STRN3: variants seen among roughly 807,000 people sequenced by gnomAD.
STRN3 encodes the protein striatin 3.
STRN3 carries 29 observed loss-of-function variants against 95.6 expected under a neutral mutation model. The ratio of observed to expected loss-of-function variants is 0.30; its 90% confidence interval spans 0.23 to 0.41. The LOEUF (loss-of-function observed/expected upper bound fraction) is 0.41, where lower values mean the gene tolerates loss of function less well. Among genes scored for constraint, STRN3 ranks in the 10% least tolerant of loss-of-function variants. The probability of loss-of-function intolerance (pLI) is 1.00; values close to 1 mark genes in which losing one functional copy is unlikely to be tolerated. For synonymous variants in STRN3, 331 were observed against 357.6 expected (o/e 0.93, Z 0.84); for missense variants, 890 against 972.1 (o/e 0.92, Z 1.12).
intron 1 of STRN3, among the ~76,000 whole-genome samples, chr14:31,022,285 C>T (rs1457432420): frequency 6.6e-6 from 1 of 150,812 alleles, no homozygotes; most frequent in Non-Finnish European, 1.5e-5. Flanking sequence ...GAGGCTGAGG[C>T]AGGAGAATGC....
chr14:30,894,990 T>C lies in STRN3; in HGVS notation c.*421A>G, dbSNP rs1172066972. 3 of 796,270 alleles carry C rather than the reference T, an allele frequency of 3.8e-6. No homozygotes were observed. The highest frequency in any genetic ancestry group is 2.0e-4 in the East Asian group (2 of 10,230). 49.3% of individuals were successfully genotyped at this position (796,270 alleles called of 1,614,324 possible). ...ACTAAGAGATGAAAAAAAGCTACTC[T>C]TGGAGCTCACTTCCCCCAACAAGAG... is the stretch of plus-strand genomic sequence containing the variant. On this transcript the variant is annotated 3_prime_UTR_variant, in exon 18 of 18. Coordinates refer to ENST00000357479, the MANE Select transcript of STRN3 (RefSeq NM_001083893.2).
chr14:30,942,622 C>G (rs572237941), intron 5 of STRN3, among the ~76,000 whole-genome samples: 26 of 152,146 alleles, frequency 1.7e-4, no homozygotes, highest in Non-Finnish European at 3.7e-4. Context: ...AACAGCACAA[C>G]TTTTCCCAGT....
At chr14:30,952,021 G>C (rs1336081013) in intron 3 of STRN3, among the ~76,000 whole-genome samples, 2 of 152,100 alleles carry the variant, frequency 1.3e-5, no homozygotes, top group South Asian at 2.1e-4. Context: ...GGGAGGCTGA[G>C]GCAAAAGGAT....
chr14:30,967,420 G>A (rs185393450), intron 1 of STRN3, among the ~76,000 whole-genome samples: 1 of 152,314 alleles, frequency 6.6e-6, no homozygotes, highest in East Asian at 1.9e-4. Context: ...ATTCCTTTAA[G>A]AGCCAGGGTA....
In STRN3 at chr14:30,911,757, A is replaced by T. The variant is rs1348405396; in HGVS notation, c.1598+20T>A. 1 of 1,592,720 alleles carries T rather than the reference A, an allele frequency of 6.3e-7. No homozygotes were observed. Among genetic ancestry groups the T allele is most frequent in the Admixed American group, 1.8e-5 (1 of 57,124 alleles). ...ACAATAATGATGATGTTAATTAAATACCAATTCAGTAAAACTTACATGTGG... is the reference window on the plus strand; with the variant it reads ...ACAATAATGATGATGTTAATTAAATTCCAATTCAGTAAAACTTACATGTGG... On this transcript the variant is annotated intron_variant, in intron 12 of 17. Coordinates refer to ENST00000357479, the MANE Select transcript of STRN3 (RefSeq NM_001083893.2).
chr14:30,899,583 G>A (rs1896249680), intron 16 of STRN3, among the ~76,000 whole-genome samples: 1 of 152,042 alleles, frequency 6.6e-6, no homozygotes, highest in Non-Finnish European at 1.5e-5. Context: ...CTTTGGCTTT[G>A]TCTATAAGAA....
At chr14:30,986,597 C>A (rs61976801) in intron 1 of STRN3, among the ~76,000 whole-genome samples, 3,825 of 152,336 alleles carry the variant, frequency 0.025, 87 homozygotes, top group Middle Eastern at 0.054. Flanking sequence ...CTTGAAAACA[C>A]AGGCCACATC....
At chr14:31,016,627 T>C (rs1594589184) in intron 1 of STRN3, among the ~76,000 whole-genome samples, 1 of 151,994 alleles carries the variant, frequency 6.6e-6, no homozygotes, top group African/African-American at 2.4e-5. Flanking sequence ...CACTACAACC[T>C]CCGCCTCCCG....
chr14:30,976,370 A>G (rs575473518), intron 1 of STRN3, among the ~76,000 whole-genome samples: 1 of 152,352 alleles, frequency 6.6e-6, no homozygotes, highest in East Asian at 1.9e-4. Flanking sequence ...CACAACCCTT[A>G]GTGTGTCAAA....
chr14:30,977,180 C>T (rs1221845198), intron 1 of STRN3, among the ~76,000 whole-genome samples: 10 of 151,712 alleles, frequency 6.6e-5, no homozygotes, highest in Admixed American at 4.6e-4. Flanking sequence ...GAGCAGATAT[C>T]GTGCCAGTGC....
At chr14:30,956,945 G>A (rs1246105219) in intron 1 of STRN3, among the ~76,000 whole-genome samples, 1 of 151,428 alleles carries the variant, frequency 6.6e-6, no homozygotes, top group Admixed American at 6.6e-5. Flanking sequence ...GATCACCTGA[G>A]GTCAGGAGTT....
At chr14:30,940,257 CTT>C in intron 5 of STRN3, among the ~76,000 whole-genome samples, 1 of 152,248 alleles carries the variant, frequency 6.6e-6, no homozygotes, top group Admixed American at 6.5e-5. Flanking sequence ...CTTTGCCTCT[CTT>C]TATTAGATAT....
intron 5 of STRN3, among the ~76,000 whole-genome samples, chr14:30,938,866 C>G (rs1046325621): frequency 2.6e-5 from 4 of 152,228 alleles, no homozygotes; most frequent in Middle Eastern, 3.4e-3. Context: ...AACAGATGCT[C>G]AACATCATTA....
chr14:30,898,081 C>CTGGGCTCAAGCA (rs1485059017), intron 16 of STRN3, among the ~76,000 whole-genome samples: 5 of 152,100 alleles, frequency 3.3e-5, no homozygotes, highest in African/African-American at 1.2e-4. Context: ...AACCTTATTC[C>CTGGGCTCAAGCA]TGGGCTCAAG....
At chr14:30,941,829 T>C (rs1879108607) in intron 5 of STRN3, among the ~76,000 whole-genome samples, 1 of 151,966 alleles carries the variant, frequency 6.6e-6, no homozygotes, top group African/African-American at 2.4e-5. Context: ...TTTCACCACG[T>C]TGGCTGGTCT....
intron 1 of STRN3, among the ~76,000 whole-genome samples, chr14:30,989,127 A>C (rs1442449271): frequency 2.6e-5 from 4 of 152,160 alleles, no homozygotes; most frequent in Non-Finnish European, 4.4e-5. Flanking sequence ...CACAGAAAGT[A>C]GTCTGGTCAA....
At chr14:30,957,550 A>C (rs1291188708) in intron 1 of STRN3, among the ~76,000 whole-genome samples, 1 of 152,166 alleles carries the variant, frequency 6.6e-6, no homozygotes, top group African/African-American at 2.4e-5. Flanking sequence ...TGAAACAGTA[A>C]ATGCCATACT....
chr14:30,926,341 T>C (rs895948671), intron 8 of STRN3, among the ~76,000 whole-genome samples: 2 of 152,012 alleles, frequency 1.3e-5, no homozygotes, highest in African/African-American at 2.4e-5. Context: ...AAAAATTATA[T>C]TTTAAATGAC....
chr14:30,978,551 G>A (rs925115756), intron 1 of STRN3, among the ~76,000 whole-genome samples: 4 of 152,054 alleles, frequency 2.6e-5, no homozygotes, highest in African/African-American at 9.7e-5. Context: ...CCTAAGACTG[G>A]GAAGAAGGCA....
Sources: allele counts gnomAD v4.1 joint callset (sites outside exome capture counted in the v4.1 genomes callset), GRCh38; gene constraint gnomAD v4.1.1; transcripts MANE v1.5; gene names NCBI Gene and HGNC (gene_info 2026-07-23, HGNC 2026-07-21).